Variants in POLR2E observed in about 807,000 individuals in gnomAD.
POLR2E encodes DNA-directed RNA polymerases I, II, and III subunit RPABC1.
Under a neutral mutation model 29.8 loss-of-function variants are expected in POLR2E, and 35 were observed. The observed-to-expected ratio is 1.17, with a 90% CI of 0.90 to 1.55. The LOEUF is 1.55. Ranked by LOEUF, POLR2E falls within the 40% of genes most tolerant of loss-of-function variation. POLR2E has a pLI of 0.00. For missense variants in POLR2E, 287 were observed against 288.6 expected (o/e 0.99, Z 0.04); for synonymous variants, 174 against 112.6 (o/e 1.55, Z -3.45).
chr19:1,089,593 C>CT (rs1568508419), intron 6 of POLR2E, 42 bp from the exon 7 acceptor site: 32 of 1,536,100 alleles, frequency 2.1e-5, no homozygotes, highest in Non-Finnish European at 2.6e-5. Flanking sequence ...CTTGAGGGGT[C>CT]TCACTGCAGT....
intron 3 of POLR2E, 66 bp from the exon 4 acceptor site, chr19:1,091,054 C>T: frequency 1.4e-6 from 2 of 1,387,400 alleles, no homozygotes; most frequent in Non-Finnish European, 2.0e-6. Context: ...CATTTCCTGC[C>T]TCAAGCTACC....
In POLR2E at chr19:1,087,758, A is replaced by G. The variant is rs1954123940; in HGVS notation, c.*977T>C. On this transcript the variant is annotated 3_prime_UTR_variant, in exon 8 of 8. Transcript: ENST00000615234. ...TGGGGATCTGGGGACCCTGCTGCAC[A>G]GAACAGTGGGCGCGTTACAGACCAC... The G allele has an allele frequency of 6.6e-6, 1 of 152,386 alleles. No homozygotes were observed. Among genetic ancestry groups the G allele is most frequent in the Non-Finnish European group, 1.5e-5 (1 of 68,054 alleles). 9.4% of individuals were successfully genotyped at this position (152,386 alleles called of 1,614,324 possible).
Position 1,087,858 on chromosome 19 carries a change from G to A in POLR2E, c.*877C>T, listed in dbSNP as rs1015553658. ...CACGTGGCTAGGTTAAACTTGGGCA[G>A]GCGAGGCCTTCTGAAATCAGACAGT... On this transcript the variant is annotated 3_prime_UTR_variant, in exon 8 of 8. Transcript: ENST00000615234. 1.3e-5 allele frequency: 2 copies of A among 152,240 alleles called. No homozygotes were observed. The highest frequency in any genetic ancestry group is 4.8e-5 in the African/African-American group (2 of 41,392). The allele number at this position is 152,240 out of a possible 1,614,324, so 9.4% of individuals were successfully genotyped here. A position where few individuals can be genotyped will look rare whatever the true frequency, so the allele number is the denominator to read the frequency against.
chr19:1,094,134 CT>C (rs2043895514), intron 1 of POLR2E, 56 bp from the exon 2 acceptor site: 2 of 1,533,862 alleles, frequency 1.3e-6, no homozygotes, highest in Non-Finnish European at 1.8e-6. Context: ...GCGGCCAAAG[CT>C]CGTGACCCGG....
In POLR2E at chr19:1,093,979, G is replaced by A. The variant is rs2043892164; in HGVS notation, c.157C>T (p.Pro53Ser). 1.2e-6 allele frequency: 2 copies of A among 1,613,706 alleles called. No individual in the cohort carries two copies. The highest frequency in any genetic ancestry group is 1.3e-5 in the African/African-American group (1 of 75,026). ...AGCACGGTGAGGTCCGTGCGCCGCGGCCGCCCCTCACTCGGCTTGTCCCCA... is the reference window on the plus strand; with the variant it reads ...AGCACGGTGAGGTCCGTGCGCCGCGACCGCCCCTCACTCGGCTTGTCCCCA... ...QSGDKPSEGR[P>S]RRTDLTVLVA... The change falls in exon 2 of 8, where the codon CCG (proline) becomes TCG (serine). Residue 53 changes from proline to serine, a missense_variant. By Grantham distance (74) the Pro-to-Ser change is moderately conservative. Transcript: ENST00000615234.
In POLR2E at chr19:1,089,951, T is replaced by G; in HGVS notation, c.500A>C (p.Glu167Ala). The G allele has an allele frequency of 6.2e-7, 1 of 1,603,364 alleles. No individual in the cohort carries two copies. Among genetic ancestry groups the G allele is most frequent in the Non-Finnish European group, 8.5e-7 (1 of 1,175,508 alleles). Residue 167 changes from glutamate (E) to alanine (A), a missense_variant, in exon 6 of 8, where the codon GAG (glutamate) becomes GCG (alanine). By Grantham distance (107) the Glu-to-Ala change is moderately radical. Coordinates refer to ENST00000615234, the MANE Select transcript of POLR2E (RefSeq NM_002695.5). The part of the protein sequence containing the change: ...TELLARYKLR[E>A]NQLPRIQAGD... ...CGCCTGGATCCTGGGCAGCTGGTTC[T>G]CTCGGAGCTTACTGCGAAGCACCGT...
At chr19:1,094,941 G>A (rs2043909262) in intron 1 of POLR2E, 4 of 456,070 alleles carry the variant, frequency 8.8e-6, no homozygotes, top group South Asian at 3.5e-5. Flanking sequence ...ACAGAGAAGG[G>A]CAGAGTCTGG....
In POLR2E at chr19:1,089,636, G is replaced by T. The variant is rs763171549; in HGVS notation, c.568-85C>A. On this transcript the variant is annotated intron_variant, in intron 6 of 7. Transcript: ENST00000615234. ...CAGCAGGCGGGCAGCACACGGGCTG[G>T]GGATGGCCGGCAGGGGTCCGAGATG... 6.7e-6 allele frequency: 8 copies of T among 1,201,970 alleles called. No homozygotes were observed. The South Asian group carries it at 7.4e-5, about 11-fold the overall frequency. 74.5% of individuals were successfully genotyped at this position (1,201,970 alleles called of 1,614,324 possible).
chr19:1,090,504 C>T (rs1264975241), intron 4 of POLR2E, among the ~76,000 whole-genome samples: 1 of 123,156 alleles, frequency 8.1e-6, no homozygotes, highest in Non-Finnish European at 1.6e-5. Flanking sequence ...CTTGCTCTGT[C>T]TCCCAGGCTG....
intron 3 of POLR2E, 26 bp downstream of exon 3, chr19:1,091,766 T>A: frequency 8.5e-7 from 1 of 1,170,700 alleles, no homozygotes; most frequent in Non-Finnish European, 1.2e-6. Flanking sequence ...GGGGAGAGGC[T>A]GGCGGGGTGG....
chr19:1,089,864 C>T lies in POLR2E; in HGVS notation c.567+20G>A. ...TCAGCTCAGAGCAGCCCCAGGGCCC[C>T]TTCTCCCCACAGGGCTCACCTGCCC... On this transcript the variant is annotated intron_variant, in intron 6 of 7. Coordinates refer to ENST00000615234, the MANE Select transcript of POLR2E (RefSeq NM_002695.5). The T allele has an allele frequency of 6.3e-7, 1 of 1,598,892 alleles. No individual in the cohort carries two copies. The highest frequency in any genetic ancestry group is 8.6e-7 in the Non-Finnish European group (1 of 1,168,894).
intron 2 of POLR2E, 112 bp from the exon 3 acceptor site, chr19:1,092,019 G>A (rs1483228150): frequency 1.5e-5 from 11 of 736,720 alleles, no homozygotes; most frequent in Non-Finnish European, 2.1e-5. Context: ...TGTCTCTCCT[G>A]CTCGGGCCTC....
chr19:1,091,669 T>A (rs937609765), intron 3 of POLR2E, 123 bp downstream of exon 3: 2 of 676,958 alleles, frequency 3.0e-6, no homozygotes, highest in Non-Finnish European at 5.2e-6. Flanking sequence ...CCCGGCCACA[T>A]CCTCCAGGGC....
At chr19:1,091,978 G>A (rs779910189) in intron 2 of POLR2E, 71 bp from the exon 3 acceptor site, 7 of 1,068,768 alleles carry the variant, frequency 6.5e-6, no homozygotes, top group Non-Finnish European at 1.0e-5. Context: ...AGAGCCCAGA[G>A]CACCCAGGTT....
chr19:1,093,664 C>T, intron 2 of POLR2E: 1 of 1,180,204 alleles, frequency 8.5e-7, no homozygotes, highest in South Asian at 2.0e-5. Flanking sequence ...CCTTGTGACT[C>T]TCCTCGTTGG....
At position 1,087,003 on chromosome 19, in the gene POLR2E, T is replaced by G. The variant is rs1270792599; in HGVS notation, c.*1732A>C. The G allele has an allele frequency of 6.6e-6, 1 of 151,922 alleles. No individual in the cohort carries two copies. Among genetic ancestry groups the G allele is most frequent in the African/African-American group, 2.4e-5 (1 of 41,362 alleles). The allele number at this position is 151,922 out of a possible 1,614,324, so 9.4% of individuals were successfully genotyped here. On this transcript the variant is annotated 3_prime_UTR_variant, in exon 8 of 8. Transcript: ENST00000615234. ...CGCCTGTGGAACTGCATTTTTTTTT[T>G]TTTTTGAGACAGGGTGTGACCCTGT...
Position 1,089,975 on chromosome 19 carries a change from G to C in POLR2E, c.489-13C>G, listed in dbSNP as rs377571471. The stretch of plus-strand genomic sequence containing the variant: ...CTCTCGGAGCTTACTGCGAAGCACC[G>C]TCAGGAAAATGCCAGACAGGGCCGT... On this transcript the variant is annotated splice_polypyrimidine_tract_variant and intron_variant, in intron 5 of 7. Coordinates refer to ENST00000615234, the MANE Select transcript of POLR2E (RefSeq NM_002695.5). The C allele has an allele frequency of 6.3e-7, 1 of 1,591,222 alleles. No individual in the cohort carries two copies. Among genetic ancestry groups the C allele is most frequent in the Non-Finnish European group, 8.6e-7 (1 of 1,167,656 alleles).
rs560882875 is a variant in POLR2E, at chr19:1,089,644, C to T, written c.568-93G>A. On this transcript the variant is annotated intron_variant, in intron 6 of 7. Transcript: ENST00000615234. The stretch of plus-strand genomic sequence containing the variant: ...GGGCAGCACACGGGCTGGGGATGGC[C>T]GGCAGGGGTCCGAGATGGCTGACCC... 6.7e-4 allele frequency: 744 copies of T among 1,113,308 alleles called. 3 individuals are homozygous for T. The highest frequency in any genetic ancestry group is 1.2e-4 in the Non-Finnish European group (88 of 734,366). 69.0% of individuals were successfully genotyped at this position (1,113,308 alleles called of 1,614,324 possible).
intron 4 of POLR2E, among the ~76,000 whole-genome samples, chr19:1,090,442 G>C (rs1050135144): frequency 6.6e-6 from 1 of 151,418 alleles, no homozygotes; most frequent in African/African-American, 2.4e-5. Flanking sequence ...TACAGGCTGG[G>C]GTGGGCCCGG....
Sources: gnomAD v4.1 joint callset for allele counts (sites outside exome capture counted in the v4.1 genomes callset) on GRCh38, gnomAD v4.1.1 for gene constraint, MANE v1.5 for transcripts, NCBI Gene and HGNC (gene_info 2026-07-23, HGNC 2026-07-21) for gene names.